Variants in BMPER observed in about 807,000 individuals in gnomAD.
The protein encoded by BMPER is BMP-binding endothelial regulator protein.
A neutral mutation model predicts 87.3 loss-of-function variants in BMPER; 45 were observed. The observed-to-expected ratio is 0.52, with a 90% CI of 0.41 to 0.66. The LOEUF (loss-of-function observed/expected upper bound fraction) is 0.66. Among genes scored for constraint, BMPER ranks in the 30% least tolerant of loss-of-function variants. BMPER has a pLI of 0.00. For missense variants in BMPER, 784 were observed against 867.5 expected (o/e 0.90, Z 1.21); for synonymous variants, 326 against 316.2 (o/e 1.03, Z -0.33).
At chr7:34,098,573 T>C (rs2127981889) in intron 13 of BMPER, among the ~76,000 whole-genome samples, 1 of 152,216 alleles carries the variant, frequency 6.6e-6, no homozygotes, top group Admixed American at 6.5e-5. Flanking sequence ...GTTTGGAGTT[T>C]AAAGGAGGGA....
At chr7:34,088,343 A>C (rs1277029395) in intron 13 of BMPER, among the ~76,000 whole-genome samples, 3 of 152,164 alleles carry the variant, frequency 2.0e-5, no homozygotes. Context: ...AGGAGGATGC[A>C]CCTTCATGAA....
intron 6 of BMPER, among the ~76,000 whole-genome samples, chr7:34,025,390 C>A (rs1787330296): frequency 1.3e-5 from 2 of 152,074 alleles, no homozygotes; most frequent in South Asian, 4.2e-4. Context: ...CCTCCACAGC[C>A]CAGCTTCAGG....
chr7:34,004,513 A>T (rs530977994), intron 6 of BMPER, among the ~76,000 whole-genome samples: 1 of 152,234 alleles, frequency 6.6e-6, no homozygotes, highest in South Asian at 2.1e-4. Flanking sequence ...TTATGATAAC[A>T]TAATATAGCA....
chr7:33,992,193 A>T (rs977354963), intron 6 of BMPER, among the ~76,000 whole-genome samples: 1 of 144,376 alleles, frequency 6.9e-6, no homozygotes, highest in Non-Finnish European at 1.5e-5. Flanking sequence ...TGTCTCGTTG[A>T]TCTGTCTAAT....
At chr7:33,943,071 T>C (rs1784806292) in intron 3 of BMPER, among the ~76,000 whole-genome samples, 1 of 152,154 alleles carries the variant, frequency 6.6e-6, no homozygotes, top group African/African-American at 2.4e-5. Context: ...TGTTTAATTT[T>C]AAATTTAATT....
intron 6 of BMPER, among the ~76,000 whole-genome samples, chr7:33,979,887 CAGAG>C (rs1402172595): frequency 6.6e-6 from 1 of 152,216 alleles, no homozygotes; most frequent in Non-Finnish European, 1.5e-5. Flanking sequence ...GATGTGGTGA[CAGAG>C]AGGCAGACCA....
chr7:34,140,172 T>C (rs1036810879), intron 13 of BMPER, among the ~76,000 whole-genome samples: 4 of 152,204 alleles, frequency 2.6e-5, no homozygotes, highest in Non-Finnish European at 4.4e-5. Flanking sequence ...ATCTATTAAA[T>C]GGAGCAGTGA....
At chr7:33,955,340 ACT>A (rs1357466393) in intron 3 of BMPER, among the ~76,000 whole-genome samples, 1 of 152,166 alleles carries the variant, frequency 6.6e-6, no homozygotes, top group African/African-American at 2.4e-5. Context: ...CTTCCAGAAG[ACT>A]CTGTACAACG....
intron 6 of BMPER, among the ~76,000 whole-genome samples, chr7:34,031,901 T>C (rs1250716837): frequency 2.5e-5 from 3 of 121,336 alleles, no homozygotes; most frequent in Non-Finnish European, 3.4e-5. Flanking sequence ...TATATATATA[T>C]ATATATATAT....
chr7:33,919,400 G>T (rs1277259702), intron 2 of BMPER, among the ~76,000 whole-genome samples: 1 of 152,198 alleles, frequency 6.6e-6, no homozygotes, highest in Non-Finnish European at 1.5e-5. Context: ...GAGTGAATTT[G>T]CACTGGGTTC....
intron 11 of BMPER, among the ~76,000 whole-genome samples, chr7:34,071,327 T>C (rs746487761): frequency 2.0e-5 from 3 of 152,252 alleles, no homozygotes; most frequent in Non-Finnish European, 4.4e-5. Context: ...TTTGCAATGC[T>C]ATCTTTATAA....
intron 6 of BMPER, among the ~76,000 whole-genome samples, chr7:34,036,649 C>T (rs1048300965): frequency 3.3e-5 from 5 of 152,128 alleles, no homozygotes; most frequent in South Asian, 2.1e-4. Context: ...CCTCTCCTCT[C>T]GGTTCCCAGG....
chr7:34,037,741 C>T (rs1206788050), intron 6 of BMPER, among the ~76,000 whole-genome samples: 5 of 152,190 alleles, frequency 3.3e-5, no homozygotes, highest in Non-Finnish European at 7.3e-5. Flanking sequence ...TGTCCATCAG[C>T]GCTTATAATT....
chr7:34,091,488 G>A (rs1043022563), intron 13 of BMPER, among the ~76,000 whole-genome samples: 3 of 152,178 alleles, frequency 2.0e-5, no homozygotes, highest in African/African-American at 7.2e-5. Flanking sequence ...GTCACACTGA[G>A]TTCGTAATTA....
chr7:34,088,863 T>G (rs1197714699), intron 13 of BMPER, among the ~76,000 whole-genome samples: 1 of 151,964 alleles, frequency 6.6e-6, no homozygotes, highest in Non-Finnish European at 1.5e-5. Flanking sequence ...AAACTCCCCC[T>G]GATGCATCTG....
At chr7:34,072,808 T>A (rs997383711) in intron 11 of BMPER, among the ~76,000 whole-genome samples, 4 of 152,162 alleles carry the variant, frequency 2.6e-5, no homozygotes, top group African/African-American at 9.7e-5. Flanking sequence ...TTGTTCTGAT[T>A]CTGATTTAGC....
At chr7:34,063,049 C>G (rs1349262008) in intron 11 of BMPER, among the ~76,000 whole-genome samples, 5 of 152,202 alleles carry the variant, frequency 3.3e-5, no homozygotes, top group Non-Finnish European at 5.9e-5. Flanking sequence ...TATTAGCAAA[C>G]TGCCATTTTA....
At chr7:33,971,176 G>T (rs1785536585) in intron 5 of BMPER, among the ~76,000 whole-genome samples, 1 of 149,608 alleles carries the variant, frequency 6.7e-6, no homozygotes, top group African/African-American at 2.5e-5. Context: ...CTACTGCTCT[G>T]CTTTTGAGGT....
At chr7:34,145,963 G>A (rs1275080211) in intron 14 of BMPER, among the ~76,000 whole-genome samples, 1 of 152,058 alleles carries the variant, frequency 6.6e-6, no homozygotes, top group Non-Finnish European at 1.5e-5. Context: ...AGCCATCTGG[G>A]TGAAGTATAA....
Sources: gnomAD v4.1 joint callset for allele counts (sites outside exome capture counted in the v4.1 genomes callset) on GRCh38, gnomAD v4.1.1 for gene constraint, MANE v1.5 for transcripts, NCBI Gene and HGNC (gene_info 2026-07-23, HGNC 2026-07-21) for gene names.